Variants in TUSC3 observed in about 807,000 individuals in gnomAD.
The protein encoded by TUSC3 is tumor suppressor candidate 3, also known as dolichyl-diphosphooligosaccharide--protein glycosyltransferase subunit TUSC3.
A neutral mutation model predicts 44.8 loss-of-function variants in TUSC3; 45 were observed. The ratio of observed to expected loss-of-function variants is 1.00; its 90% CI spans 0.79 to 1.29. The LOEUF (loss-of-function observed/expected upper bound fraction) is 1.29, where lower values mean the gene tolerates loss of function less well. Among genes scored for constraint, TUSC3 ranks in the 50% most tolerant of loss-of-function variants. TUSC3 has a pLI of 0.00. For synonymous variants in TUSC3, 212 were observed against 152.9 expected, an observed-to-expected ratio of 1.39 and a Z score of -2.85; for missense variants, 519 against 437.9, an observed-to-expected ratio of 1.19 and a Z score of -1.65.
chr8:15,505,258 G>C (rs914630697), intron 2 of TUSC3, among the ~76,000 whole-genome samples: 1 of 152,126 alleles, frequency 6.6e-6, no homozygotes, highest in Admixed American at 6.5e-5. Flanking sequence ...AAACAAGAAG[G>C]CTTTGTCAAT....
At chr8:15,774,842 A>G in the TUSC3 span, among the ~76,000 whole-genome samples, 26,665 of 152,040 alleles carry the variant, frequency 0.18, 2,355 homozygotes, top group East Asian at 0.25. Flanking sequence ...ATGTTGGTGC[A>G]GATGTGAAGA....
Position 15,473,750 on chromosome 8 carries a change from C to CA in TUSC3, n.92-9631dup, listed in dbSNP as rs199839763. On this transcript the variant is annotated intron_variant and non_coding_transcript_variant, in intron 1 of 5. Transcript: ENST00000503191. Reference sequence around the variant, plus strand: ...TCACAAGATCACATGCTTCAAAGGGCAAAAAGCAGAACAAAGATCACATGC... The same window carrying CA: ...TCACAAGATCACATGCTTCAAAGGGCAAAAAAGCAGAACAAAGATCACATGC... Among the ~76,000 whole-genome samples the CA allele has an allele frequency of 2.2e-3, 340 of 152,176 alleles. 3 individuals are homozygous for CA. In the East Asian group the frequency reaches 0.042, roughly 19 times the overall value.
chr8:15,665,814 TC>T (rs765290965), intron 5 of TUSC3, among the ~76,000 whole-genome samples: 1 of 151,328 alleles, frequency 6.6e-6, no homozygotes, highest in Non-Finnish European at 1.5e-5. Flanking sequence ...AAGTAAATCT[TC>T]CTGGTCTCAT....
the TUSC3 span, among the ~76,000 whole-genome samples, chr8:15,813,769 G>GTT: frequency 1.0e-4 from 15 of 149,156 alleles, no homozygotes; most frequent in South Asian, 8.5e-4. Context: ...TGTGAAAGAG[G>GTT]TTTTTTTTTT....
At chr8:15,490,975 C>A (rs1482501077) in intron 2 of TUSC3, among the ~76,000 whole-genome samples, 1 of 152,150 alleles carries the variant, frequency 6.6e-6, no homozygotes, top group African/African-American at 2.4e-5. Flanking sequence ...GTCTGGGGCC[C>A]CCCCAATCTT....
intron 1 of TUSC3, among the ~76,000 whole-genome samples, chr8:15,611,440 G>T (rs1175143687): frequency 2.6e-5 from 4 of 152,138 alleles, no homozygotes; most frequent in Non-Finnish European, 5.9e-5. Context: ...GCCCGCACCG[G>T]CCTCCCAAAG....
chr8:15,761,301 G>C (rs1030153434), intron 10 of TUSC3, among the ~76,000 whole-genome samples: 40 of 152,272 alleles, frequency 2.6e-4, no homozygotes, highest in African/African-American at 8.4e-4. Flanking sequence ...CTTAAGGAGA[G>C]AAACGGTTTG....
intron 6 of TUSC3, among the ~76,000 whole-genome samples, chr8:15,677,692 A>G (rs1808251439): frequency 6.6e-6 from 1 of 152,208 alleles, no homozygotes; most frequent in Admixed American, 6.5e-5. Flanking sequence ...GCAAAGAGGG[A>G]AGGTGGTGTC....
At chr8:15,594,258 C>A (rs1803976225) in intron 1 of TUSC3, among the ~76,000 whole-genome samples, 1 of 151,998 alleles carries the variant, frequency 6.6e-6, no homozygotes, top group Non-Finnish European at 1.5e-5. Context: ...TTGTAGTTTT[C>A]ATCTTTAGAA....
intron 7 of TUSC3, among the ~76,000 whole-genome samples, chr8:15,736,519 C>G (rs987770683): frequency 6.6e-6 from 1 of 152,014 alleles, no homozygotes; most frequent in Non-Finnish European, 1.5e-5. Flanking sequence ...ATAGAATGTT[C>G]TTAAAATTCA....
intron 1 of TUSC3, among the ~76,000 whole-genome samples, chr8:15,442,718 T>C (rs1334800398): frequency 6.6e-6 from 1 of 152,146 alleles, no homozygotes; most frequent in Non-Finnish European, 1.5e-5. Context: ...GACAGAATCA[T>C]CCTGATGAAA....
the TUSC3 span, among the ~76,000 whole-genome samples, chr8:15,843,332 A>G: frequency 2.0e-5 from 3 of 152,132 alleles, no homozygotes; most frequent in Admixed American, 1.3e-4. Flanking sequence ...CTGGTGGAAT[A>G]TATCTTCCCT....
chr8:15,609,759 A>G (rs1563132076), intron 1 of TUSC3, among the ~76,000 whole-genome samples: 1 of 152,060 alleles, frequency 6.6e-6, no homozygotes, highest in African/African-American at 2.4e-5. Context: ...CATTTAAAAA[A>G]AAACATGTTT....
At chr8:15,455,032 T>A (rs1437877179) in intron 1 of TUSC3, among the ~76,000 whole-genome samples, 2 of 152,084 alleles carry the variant, frequency 1.3e-5, no homozygotes, top group African/African-American at 4.8e-5. Flanking sequence ...GGGTACAAGA[T>A]GTTTTGAGAT....
intron 1 of TUSC3, among the ~76,000 whole-genome samples, chr8:15,607,419 A>G (rs897000665): frequency 3.9e-5 from 6 of 152,164 alleles, no homozygotes; most frequent in African/African-American, 1.4e-4. Context: ...AAGTGTGTGT[A>G]TAGTTTACAT....
At chr8:15,751,715 T>A (rs1169048933) in intron 9 of TUSC3, among the ~76,000 whole-genome samples, 1 of 152,170 alleles carries the variant, frequency 6.6e-6, no homozygotes, top group African/African-American at 2.4e-5. Context: ...CCACCAAATA[T>A]GTGACCAGAG....
chr8:15,667,126 A>C (rs1156240976), intron 5 of TUSC3, among the ~76,000 whole-genome samples: 2 of 151,600 alleles, frequency 1.3e-5, no homozygotes, highest in Admixed American at 1.3e-4. Context: ...TGCACGGCTC[A>C]TCTCCTTAAT....
chr8:15,806,778 AT>A, the TUSC3 span: 4 of 805,604 alleles, frequency 5.0e-6, no homozygotes, highest in Non-Finnish European at 8.4e-6. Flanking sequence ...TTCTGAATTC[AT>A]TCTTTTTCTA....
At chr8:15,719,995 T>C (rs1399243748) in intron 6 of TUSC3, among the ~76,000 whole-genome samples, 1 of 151,992 alleles carries the variant, frequency 6.6e-6, no homozygotes, top group East Asian at 1.9e-4. Flanking sequence ...CACAGCTAAC[T>C]ATAACATCAA....
Sources: allele counts gnomAD v4.1 joint callset (sites outside exome capture counted in the v4.1 genomes callset), GRCh38; gene constraint gnomAD v4.1.1; transcripts MANE v1.5; gene names NCBI Gene and HGNC (gene_info 2026-07-23, HGNC 2026-07-21).